SNTG2: variants seen among roughly 807,000 people sequenced by gnomAD.
The protein encoded by SNTG2 is gamma-2-syntrophin.
In SNTG2, 74 loss-of-function variants were observed where a neutral mutation model predicts 70.9. The observed-to-expected ratio is 1.04, with a 90% confidence interval of 0.86 to 1.27. The LOEUF (loss-of-function observed/expected upper bound fraction) is 1.27, where lower values mean the gene tolerates loss of function less well. SNTG2 is among the 50% of genes most tolerant of loss of function. SNTG2 has a pLI of 0.00. For missense variants in SNTG2, 717 were observed against 690.7 expected, an observed-to-expected ratio of 1.04 and a Z score of -0.43; for synonymous variants, 278 against 273.8, an observed-to-expected ratio of 1.02 and a Z score of -0.15.
intron 1 of SNTG2, among the ~76,000 whole-genome samples, chr2:970,241 A>T (rs1660692845): frequency 6.6e-6 from 1 of 152,148 alleles, no homozygotes; most frequent in Admixed American, 6.5e-5. Flanking sequence ...GCTTTTTGAT[A>T]TGCTGCTGGA....
At chr2:1,069,323 A>C (rs1663362875) in intron 1 of SNTG2, among the ~76,000 whole-genome samples, 1 of 147,630 alleles carries the variant, frequency 6.8e-6, no homozygotes, top group African/African-American at 2.5e-5. Flanking sequence ...TAAATGAAAA[A>C]AATTCTTATA....
At chr2:1,339,278 T>C (rs1659967815) in intron 16 of SNTG2, among the ~76,000 whole-genome samples, 1 of 152,238 alleles carries the variant, frequency 6.6e-6, no homozygotes, top group Non-Finnish European at 1.5e-5. Flanking sequence ...TTCTAAGATA[T>C]ATGATGTGTA....
intron 14 of SNTG2, among the ~76,000 whole-genome samples, chr2:1,298,626 C>A (rs1680320943): frequency 6.6e-6 from 1 of 152,146 alleles, no homozygotes; most frequent in African/African-American, 2.4e-5. Flanking sequence ...CCTTCTTCCT[C>A]TGCCTCCTCC....
chr2:1,092,500 G>A (rs1284156203), intron 2 of SNTG2, among the ~76,000 whole-genome samples: 2 of 152,194 alleles, frequency 1.3e-5, no homozygotes, highest in East Asian at 3.9e-4. Flanking sequence ...CAGGCGCAGT[G>A]TTTTACCTGT....
At chr2:1,075,190 T>C (rs1222072328) in intron 1 of SNTG2, among the ~76,000 whole-genome samples, 2 of 152,196 alleles carry the variant, frequency 1.3e-5, no homozygotes. Flanking sequence ...CATGTGTGCA[T>C]GTTTTTAAGT....
chr2:1,077,888 G>A (rs1387778835), intron 1 of SNTG2, among the ~76,000 whole-genome samples: 1 of 151,830 alleles, frequency 6.6e-6, no homozygotes, highest in Non-Finnish European at 1.5e-5. Context: ...TTTTTCTCCA[G>A]GGATGTCATA....
intron 1 of SNTG2, among the ~76,000 whole-genome samples, chr2:1,067,715 T>G (rs1663249642): frequency 6.6e-6 from 1 of 152,162 alleles, no homozygotes; most frequent in Non-Finnish European, 1.5e-5. Context: ...GCACTGGAAC[T>G]AAGCTATCCA....
At chr2:1,001,438 TG>T (rs1163736409) in intron 1 of SNTG2, among the ~76,000 whole-genome samples, 1 of 151,972 alleles carries the variant, frequency 6.6e-6, no homozygotes, top group African/African-American at 2.4e-5. Context: ...TAAAAATAAA[TG>T]TACAAAAATC....
chr2:1,267,006 A>G (rs1205206847), intron 13 of SNTG2, among the ~76,000 whole-genome samples: 3 of 152,120 alleles, frequency 2.0e-5, no homozygotes, highest in African/African-American at 7.2e-5. Flanking sequence ...CCTGGGCTCA[A>G]GCAATCCACC....
At chr2:1,012,155 T>A (rs1394934752) in intron 1 of SNTG2, among the ~76,000 whole-genome samples, 4 of 152,138 alleles carry the variant, frequency 2.6e-5, no homozygotes, top group Non-Finnish European at 4.4e-5. Flanking sequence ...CGAGCAACGA[T>A]CACAGTGGTC....
At chr2:1,124,084 A>T (rs1274748170) in intron 4 of SNTG2, among the ~76,000 whole-genome samples, 2 of 151,898 alleles carry the variant, frequency 1.3e-5, no homozygotes, top group Admixed American at 6.6e-5. Flanking sequence ...TTTTTAATAG[A>T]TTATTGTACA....
chr2:1,083,941 C>T (rs150189363), intron 2 of SNTG2, among the ~76,000 whole-genome samples: 66 of 152,024 alleles, frequency 4.3e-4, no homozygotes, highest in African/African-American at 1.6e-3. Flanking sequence ...CTCGGAAGTC[C>T]GAGGCAGGGG....
intron 1 of SNTG2, among the ~76,000 whole-genome samples, chr2:969,221 C>A (rs1380902315): frequency 6.6e-6 from 1 of 152,038 alleles, no homozygotes; most frequent in African/African-American, 2.4e-5. Context: ...TTCCATTGGC[C>A]TGTGTTTGTT....
chr2:1,060,442 C>T (rs1662738317), intron 1 of SNTG2, among the ~76,000 whole-genome samples: 1 of 152,138 alleles, frequency 6.6e-6, no homozygotes, highest in Non-Finnish European at 1.5e-5. Flanking sequence ...CTGAGCAGTC[C>T]TGGAACCAAA....
At chr2:1,028,909 T>C (rs1320125549) in intron 1 of SNTG2, among the ~76,000 whole-genome samples, 1 of 152,172 alleles carries the variant, frequency 6.6e-6, no homozygotes, top group African/African-American at 2.4e-5. Flanking sequence ...AGGCCAGTTC[T>C]AGAGTCTAGA....
chr2:1,059,872 A>G (rs529770346), intron 1 of SNTG2, among the ~76,000 whole-genome samples: 2 of 152,332 alleles, frequency 1.3e-5, no homozygotes, highest in African/African-American at 4.8e-5. Flanking sequence ...ATAAATCTAT[A>G]TAAACTAAGA....
chr2:1,324,461 AAG>A (rs1424119376), intron 16 of SNTG2, among the ~76,000 whole-genome samples: 1 of 152,258 alleles, frequency 6.6e-6, no homozygotes, highest in African/African-American at 2.4e-5. Context: ...GAATGAAAAA[AAG>A]AGAACCTATT....
chr2:1,133,750 G>T (rs917451432), intron 4 of SNTG2, among the ~76,000 whole-genome samples: 23 of 152,138 alleles, frequency 1.5e-4, no homozygotes, highest in African/African-American at 5.6e-4. Context: ...ACATTTCACA[G>T]ATTTAGTTGG....
intron 2 of SNTG2, among the ~76,000 whole-genome samples, chr2:1,085,021 A>G (rs1026228874): frequency 1.3e-5 from 2 of 152,292 alleles, no homozygotes; most frequent in South Asian, 4.1e-4. Context: ...CTCTGCGTTC[A>G]AGAGGCCACT....
Sources: allele counts gnomAD v4.1 joint callset (sites outside exome capture counted in the v4.1 genomes callset), GRCh38; gene constraint gnomAD v4.1.1; transcripts MANE v1.5; gene names NCBI Gene and HGNC (gene_info 2026-07-23, HGNC 2026-07-21).